DOCK9: variants seen among roughly 807,000 people sequenced by gnomAD.
DOCK9 encodes the protein dedicator of cytokinesis 9, also known as dedicator of cytokinesis protein 9.
A neutral mutation model predicts 263.3 loss-of-function variants in DOCK9; 89 were observed. That is an observed-to-expected ratio of 0.34 (90% confidence interval 0.28 to 0.40). The LOEUF is 0.40. DOCK9 is among the 10% of genes least tolerant of loss of function. The probability of loss-of-function intolerance (pLI) is 1.00; values close to 1 mark genes in which losing one functional copy is unlikely to be tolerated. For missense variants in DOCK9, 2,140 were observed against 2,603.4 expected (o/e 0.82, Z 3.87); for synonymous variants, 976 against 973.1 (o/e 1.00, Z -0.06).
chr13:98,801,388 G>A (rs183689562), intron 49 of DOCK9, among the ~76,000 whole-genome samples: 3 of 152,150 alleles, frequency 2.0e-5, no homozygotes, highest in East Asian at 1.9e-4. Context: ...ACAAACTTTT[G>A]GAGCTGTAGT....
Position 98,837,516 on chromosome 13 carries a change from G to A in DOCK9, c.4292C>T (p.Ser1431Phe). ...AACCTTAAACGCCAATGTAAATAGA[G>A]AAAGCGTGTCCAGAGCTGTCAGGCA... ...EVCLTALDTLSLFTLAFKNQL... is the reference protein window; with the variant it reads ...EVCLTALDTLFLFTLAFKNQL... The change falls in exon 39 of 53, where the codon TCT (serine) becomes TTT (phenylalanine). Residue 1431 changes from serine (S) to phenylalanine (F), a missense_variant. Transcript: ENST00000682017. 5.0e-6 allele frequency: 8 copies of A among 1,613,330 alleles called. No individual in the cohort carries two copies. Among genetic ancestry groups the A allele is most frequent in the Non-Finnish European group, 5.9e-6 (7 of 1,179,432 alleles).
At chr13:98,852,547 C>T (rs544550784) in intron 35 of DOCK9, among the ~76,000 whole-genome samples, 1 of 152,082 alleles carries the variant, frequency 6.6e-6, no homozygotes, top group Non-Finnish European at 1.5e-5. Flanking sequence ...ACACACCTCC[C>T]GCCCCCAGAT....
chr13:98,922,316 C>T (rs1368009894), intron 5 of DOCK9, among the ~76,000 whole-genome samples, 170 bp from the exon 6 acceptor site: 1 of 152,094 alleles, frequency 6.6e-6, no homozygotes, highest in African/African-American at 2.4e-5. Context: ...GTCCACTTAG[C>T]GGTGAAAGAG....
chr13:98,848,544 A>G, intron 37 of DOCK9, 48 bp downstream of exon 37: 1 of 1,581,824 alleles, frequency 6.3e-7, no homozygotes, highest in Non-Finnish European at 8.6e-7. Flanking sequence ...AATCAGAGCC[A>G]GGCATCACAG....
intron 1 of DOCK9, among the ~76,000 whole-genome samples, chr13:98,960,244 G>A (rs2058489125): frequency 6.6e-6 from 1 of 152,120 alleles, no homozygotes; most frequent in South Asian, 2.1e-4. Context: ...TCTGGTTGTT[G>A]GTGGAGCTGC....
chr13:98,979,584 T>C (rs186706394), upstream of DOCK9, among the ~76,000 whole-genome samples: 1 of 152,146 alleles, frequency 6.6e-6, no homozygotes, highest in Non-Finnish European at 1.5e-5. Context: ...TCTCAAAGGA[T>C]CAATGAGTCC....
chr13:98,843,933 T>C (rs1480155200), intron 38 of DOCK9, among the ~76,000 whole-genome samples: 1 of 152,200 alleles, frequency 6.6e-6, no homozygotes, highest in Non-Finnish European at 1.5e-5. Context: ...TCCTAAATGA[T>C]TATCATTGGA....
chr13:98,910,679 C>G (rs775893916), intron 9 of DOCK9, among the ~76,000 whole-genome samples: 2 of 152,278 alleles, frequency 1.3e-5, no homozygotes, highest in East Asian at 1.9e-4. Flanking sequence ...AGAAAAGGAA[C>G]CTGCCATGAA....
At chr13:98,794,825 CAAT>C in intron 52 of DOCK9, 77 bp from the exon 53 acceptor site, 1 of 1,505,254 alleles carries the variant, frequency 6.6e-7, no homozygotes, top group Non-Finnish European at 9.2e-7. Flanking sequence ...ATGTGTGACA[CAAT>C]GTTACCAAGT....
intron 5 of DOCK9, 43 bp downstream of exon 5, chr13:98,923,259 A>C: frequency 6.4e-7 from 1 of 1,574,374 alleles, no homozygotes; most frequent in Non-Finnish European, 8.7e-7. Context: ...TTGATGTTTA[A>C]ATCTAGAGTG....
At chr13:98,908,085 G>A (rs2049393819) in intron 9 of DOCK9, among the ~76,000 whole-genome samples, 1 of 152,090 alleles carries the variant, frequency 6.6e-6, no homozygotes, top group African/African-American at 2.4e-5. Flanking sequence ...TGGCTTCAGA[G>A]TCTAAACTAT....
At chr13:98,941,976 A>G (rs1018423783) in intron 2 of DOCK9, among the ~76,000 whole-genome samples, 1 of 152,198 alleles carries the variant, frequency 6.6e-6, no homozygotes, top group East Asian at 1.9e-4. Context: ...TGAATTACAG[A>G]TTAAGAAAAG....
chr13:98,915,461 C>A lies in DOCK9; in HGVS notation c.760G>T (p.Asp254Tyr). 1 of 1,613,762 alleles carries A rather than the reference C, an allele frequency of 6.2e-7. No homozygotes were observed. Among genetic ancestry groups the A allele is most frequent in the Non-Finnish European group, 8.5e-7 (1 of 1,179,798 alleles). Residue 254 changes from aspartate to tyrosine, a missense_variant, in exon 8 of 53, where the codon GAC (aspartate) becomes TAC (tyrosine). Transcript: ENST00000682017. ...GCTGCCAAGAGATAACTACTTTTGTCCTGCATCTTGAGCTCAAAAGCAAAA... is the reference window on the plus strand; with the variant it reads ...GCTGCCAAGAGATAACTACTTTTGTACTGCATCTTGAGCTCAAAAGCAAAA... The part of the protein sequence containing the change: ...RRFAFELKMQ[D>Y]KSSYLLAADS...
chr13:99,082,517 CT>C, intron 1 of DOCK9, among the ~76,000 whole-genome samples: 1 of 139,188 alleles, frequency 7.2e-6, no homozygotes. Flanking sequence ...AAGACTCCAT[CT>C]CAAAAAAATA....
At position 98,849,901 on chromosome 13, in the gene DOCK9, A is replaced by G. The variant is rs9584950; in HGVS notation, c.4013+146T>C. On this transcript the variant is annotated intron_variant, in intron 36 of 52. Coordinates refer to ENST00000682017, the MANE Select transcript of DOCK9 (RefSeq NM_001366683.2). ...GTCACAAGCCCTGAAAATATGTTTT[A>G]GGGCCAAGACCATGAGAAAGGGCTT... 0.013 allele frequency: 8,100 copies of G among 602,988 alleles called. 502 individuals carry two copies. In the African/African-American group the frequency reaches 0.14, roughly 10 times the overall value. 37.4% of individuals were successfully genotyped at this position (602,988 alleles called of 1,614,324 possible).
At chr13:98,807,260 A>C (rs1179598965) in intron 48 of DOCK9, among the ~76,000 whole-genome samples, 5 of 152,176 alleles carry the variant, frequency 3.3e-5, no homozygotes, top group Admixed American at 6.5e-5. Context: ...CCATGTGTCC[A>C]TTCACCCATC....
chr13:99,067,796 G>C (rs1400226111), intron 1 of DOCK9, among the ~76,000 whole-genome samples: 2 of 151,144 alleles, frequency 1.3e-5, no homozygotes, highest in Non-Finnish European at 2.9e-5. Context: ...TGGAGAGGTA[G>C]GGCTGCTTCG....
intron 45 of DOCK9, among the ~76,000 whole-genome samples, chr13:98,820,427 C>G (rs1402230968): frequency 6.6e-6 from 1 of 152,178 alleles, no homozygotes; most frequent in East Asian, 1.9e-4. Context: ...GGTCCCAATC[C>G]AGATCCCAAG....
At chr13:98,927,018 C>A (rs1433657195) in intron 3 of DOCK9, among the ~76,000 whole-genome samples, 1 of 152,238 alleles carries the variant, frequency 6.6e-6, no homozygotes, top group East Asian at 1.9e-4. Flanking sequence ...ATTACAACAG[C>A]AGCAAGTGCT....
Sources: gnomAD v4.1 joint callset for allele counts (sites outside exome capture counted in the v4.1 genomes callset) on GRCh38, gnomAD v4.1.1 for gene constraint, MANE v1.5 for transcripts, NCBI Gene and HGNC (gene_info 2026-07-23, HGNC 2026-07-21) for gene names.